Variants in AKR1C4 observed in about 807,000 individuals in gnomAD.
AKR1C4 encodes aldo-keto reductase family 1 member C4, also known as 3-alpha-HSD1.
Under a neutral mutation model 41.0 loss-of-function variants are expected in AKR1C4, and 44 were observed. The observed-to-expected ratio is 1.07, with a 90% CI of 0.84 to 1.38. The LOEUF (loss-of-function observed/expected upper bound fraction) is 1.38. Ranked by LOEUF, AKR1C4 falls within the 40% of genes most tolerant of loss-of-function variation. The pLI, the probability that AKR1C4 is intolerant of heterozygous loss-of-function variation, is 0.00. For missense variants in AKR1C4, 438 were observed against 387.9 expected, an observed-to-expected ratio of 1.13 and a Z score of -1.09; for synonymous variants, 165 against 137.7, an observed-to-expected ratio of 1.20 and a Z score of -1.39.
intron 8 of AKR1C4, among the ~76,000 whole-genome samples, chr10:5,218,328 C>CTT (rs1832683304): frequency 6.6e-6 from 1 of 152,134 alleles, no homozygotes; most frequent in African/African-American, 2.4e-5. Context: ...ACCCTCAAAA[C>CTT]TTTTTGTTAA....
intron 7 of AKR1C4, among the ~76,000 whole-genome samples, chr10:5,214,771 C>T (rs997749815): frequency 6.7e-6 from 1 of 149,080 alleles, no homozygotes; most frequent in African/African-American, 2.4e-5. Context: ...AAATTGATGA[C>T]ATTTTTATTC....
Position 5,207,322 on chromosome 10 carries a change from G to A in AKR1C4, c.570+925G>A, listed in dbSNP as rs568173666. 1.8e-3 allele frequency: 512 copies of A among 291,106 alleles called. 10 individuals carry two copies. The highest frequency in any genetic ancestry group is 0.013 in the South Asian group (367 of 28,148). The allele number at this position is 291,106 out of a possible 1,614,324, so 18.0% of individuals were successfully genotyped here. A position where few individuals can be genotyped will look rare whatever the true frequency, so the allele number is the denominator to read the frequency against. On this transcript the variant is annotated intron_variant, in intron 5 of 8. Transcript: ENST00000263126. ...TGTAAATACCATACCCACACCAAAGGATTTAACACTGAAAAGATTAAGGTA... is the reference window on the plus strand; with the variant it reads ...TGTAAATACCATACCCACACCAAAGAATTTAACACTGAAAAGATTAAGGTA...
chr10:5,206,525 T>C, intron 5 of AKR1C4, 128 bp downstream of exon 5: 1 of 1,510,824 alleles, frequency 6.6e-7, no homozygotes, highest in Non-Finnish European at 8.9e-7. Context: ...AAAACATCTG[T>C]CTAGAAGAAA....
At chr10:5,215,355 T>C (rs1554798407) in intron 7 of AKR1C4, among the ~76,000 whole-genome samples, 6 of 152,036 alleles carry the variant, frequency 3.9e-5, no homozygotes, top group Non-Finnish European at 8.8e-5. Context: ...ACAATATCCA[T>C]CTGTATTAGT....
At chr10:5,205,979 G>A in intron 4 of AKR1C4, 145 bp downstream of exon 4, 1 of 968,884 alleles carries the variant, frequency 1.0e-6, no homozygotes, top group Non-Finnish European at 1.5e-6. Flanking sequence ...GAGTGGTAGG[G>A]AAGAATACAT....
At chr10:5,212,891 T>A in intron 6 of AKR1C4, 103 bp from the exon 7 acceptor site, 1 of 1,482,168 alleles carries the variant, frequency 6.7e-7, no homozygotes, top group Non-Finnish European at 9.1e-7. Context: ...GGGACCTCAC[T>A]TGAGAGGCTC....
chr10:5,211,774 A>T (rs1019582231), intron 5 of AKR1C4, among the ~76,000 whole-genome samples: 48 of 152,204 alleles, frequency 3.2e-4, no homozygotes, highest in Middle Eastern at 3.4e-3. Flanking sequence ...ATAAAGACAT[A>T]CTCAAGAGTG....
chr10:5,197,039 C>T (rs1308744649), intron 1 of AKR1C4, 88 bp downstream of exon 1: 1 of 1,314,184 alleles, frequency 7.6e-7, no homozygotes, highest in Non-Finnish European at 1.1e-6. Flanking sequence ...CTTTGTGTTT[C>T]TGTTACCCTG....
At chr10:5,213,825 G>A (rs887408273) in intron 7 of AKR1C4, among the ~76,000 whole-genome samples, 1 of 152,026 alleles carries the variant, frequency 6.6e-6, no homozygotes, top group Non-Finnish European at 1.5e-5. Flanking sequence ...TCCATATTCT[G>A]GATATTCTTT....
chr10:5,218,866 C>A lies in AKR1C4; in HGVS notation c.*106C>A. The stretch of plus-strand genomic sequence containing the variant: ...GGACACACAGCCTCTGGTTAAATCC[C>A]TCCCCTCCTGCTTGGCAACTTCAGC... On this transcript the variant is annotated 3_prime_UTR_variant, in exon 9 of 9. Coordinates refer to ENST00000263126, the MANE Select transcript of AKR1C4 (RefSeq NM_001818.5). 1 of 1,065,302 alleles carries A rather than the reference C, an allele frequency of 9.4e-7. No individual in the cohort carries two copies. The highest frequency in any genetic ancestry group is 1.4e-6 in the Non-Finnish European group (1 of 717,414). The allele number at this position is 1,065,302 out of a possible 1,614,324, so 66.0% of individuals were successfully genotyped here.
chr10:5,200,111 G>A, intron 1 of AKR1C4, 70 bp from the exon 2 acceptor site: 2 of 1,554,978 alleles, frequency 1.3e-6, no homozygotes, highest in East Asian at 2.3e-5. Context: ...TGAGGACAAG[G>A]GAACTTTTCC....
intron 5 of AKR1C4, among the ~76,000 whole-genome samples, chr10:5,210,956 C>T (rs1051207112): frequency 3.3e-5 from 5 of 152,248 alleles, no homozygotes; most frequent in Non-Finnish European, 2.9e-5. Context: ...CTCACTACCA[C>T]ATAGAAGCTG....
intron 2 of AKR1C4, among the ~76,000 whole-genome samples, chr10:5,202,998 T>C (rs538356412): frequency 2.0e-4 from 30 of 150,242 alleles, no homozygotes; most frequent in African/African-American, 7.2e-4. Context: ...CCTTTCCTGG[T>C]ATTGGTATTT....
At chr10:5,210,822 G>A (rs1015468787) in intron 5 of AKR1C4, among the ~76,000 whole-genome samples, 11 of 152,178 alleles carry the variant, frequency 7.2e-5, no homozygotes, top group Admixed American at 5.9e-4. Flanking sequence ...ATGTTGGTCA[G>A]GCTGGTCTCA....
chr10:5,215,519 G>A (rs1411084680), intron 7 of AKR1C4, among the ~76,000 whole-genome samples: 2 of 152,110 alleles, frequency 1.3e-5, no homozygotes, highest in Non-Finnish European at 2.9e-5. Flanking sequence ...CCAACATTAG[G>A]TCATTCCTTT....
chr10:5,206,641 A>G (rs1269691518), intron 5 of AKR1C4, among the ~76,000 whole-genome samples: 1 of 152,198 alleles, frequency 6.6e-6, no homozygotes, highest in Non-Finnish European at 1.5e-5. Flanking sequence ...GGTGAATTTC[A>G]TCAAGGAGGA....
intron 5 of AKR1C4, among the ~76,000 whole-genome samples, chr10:5,212,109 G>T (rs75340656): frequency 0.012 from 1,893 of 152,274 alleles, 25 homozygotes; most frequent in Non-Finnish European, 0.02. Context: ...ATTGGTGAAG[G>T]CAAATACTTT....
chr10:5,204,654 T>G (rs2132128677), intron 3 of AKR1C4, 161 bp downstream of exon 3: 1 of 762,610 alleles, frequency 1.3e-6, no homozygotes, highest in South Asian at 1.4e-5. Flanking sequence ...ACAACCTTCC[T>G]TCTGTAACGT....
chr10:5,210,759 G>T (rs567049555), intron 5 of AKR1C4, among the ~76,000 whole-genome samples: 1 of 152,038 alleles, frequency 6.6e-6, no homozygotes, highest in Non-Finnish European at 1.5e-5. Context: ...TTACAGGCAC[G>T]TGCCACCACA....
Sources: allele counts gnomAD v4.1 joint callset (sites outside exome capture counted in the v4.1 genomes callset), GRCh38; gene constraint gnomAD v4.1.1; transcripts MANE v1.5; gene names NCBI Gene and HGNC (gene_info 2026-07-23, HGNC 2026-07-21).